The following ATG3 variants were observed in gnomAD, a reference collection of about 807,000 sequenced individuals.
ATG3 encodes the protein ubiquitin-like-conjugating enzyme ATG3.
ATG3 carries 25 observed loss-of-function variants against 50.7 expected under a neutral mutation model. The ratio of observed to expected loss-of-function variants is 0.49; its 90% CI spans 0.36 to 0.69. The LOEUF (loss-of-function observed/expected upper bound fraction) is 0.69. Among genes scored for constraint, ATG3 ranks in the 30% least tolerant of loss-of-function variants. The probability of loss-of-function intolerance (pLI) is 0.00; values close to 1 mark genes in which losing one functional copy is unlikely to be tolerated. For synonymous variants in ATG3, 119 were observed against 125.5 expected (o/e 0.95, Z 0.34); for missense variants, 281 against 376.0 (o/e 0.75, Z 2.09).
At position 112,561,639 on chromosome 3, in the gene ATG3, G is replaced by C; in HGVS notation, c.-111C>G. On this transcript the variant is annotated 5_prime_UTR_variant, in exon 1 of 12. Transcript: ENST00000283290. ...TGCCACCGACTCGCATCAGCACCCG[G>C]CTGGCAGCACCCGAGGGGACGGGAC... 8.8e-7 allele frequency: 1 copy of C among 1,139,144 alleles called. No homozygotes were observed. The highest frequency in any genetic ancestry group is 1.3e-6 in the Non-Finnish European group (1 of 799,716). 70.6% of individuals were successfully genotyped at this position (1,139,144 alleles called of 1,614,324 possible).
intron 6 of ATG3, among the ~76,000 whole-genome samples, chr3:112,542,561 A>T (rs1189727129): frequency 1.3e-5 from 2 of 152,102 alleles, no homozygotes; most frequent in Admixed American, 6.5e-5. Flanking sequence ...TTAATTTAAC[A>T]CTAGAAACTT....
intron 11 of ATG3, chr3:112,533,521 CCA>C: frequency 1.0e-6 from 1 of 985,236 alleles, no homozygotes; most frequent in South Asian, 4.7e-5. Flanking sequence ...TAGCAATGCC[CCA>C]CAGTCTGATT....
intron 11 of ATG3, 82 bp from the exon 12 acceptor site, chr3:112,532,862 A>C: frequency 1.5e-6 from 2 of 1,376,348 alleles, no homozygotes; most frequent in Admixed American, 3.0e-5. Context: ...CATTTTATTA[A>C]GCCATTAATT....
chr3:112,537,975 A>C (rs1933118793), intron 8 of ATG3, 85 bp from the exon 9 acceptor site: 1 of 1,376,392 alleles, frequency 7.3e-7, no homozygotes, highest in African/African-American at 1.5e-5. Context: ...TCCATTCTAT[A>C]TTTTGTTTTC....
intron 1 of ATG3, among the ~76,000 whole-genome samples, chr3:112,559,818 G>C (rs1265012416): frequency 6.6e-6 from 1 of 152,312 alleles, no homozygotes; most frequent in East Asian, 1.9e-4. Context: ...AGAGATGATT[G>C]TAAGAACTTC....
chr3:112,534,095 C>T (rs2082574489), intron 11 of ATG3, 174 bp downstream of exon 11: 2 of 1,362,322 alleles, frequency 1.5e-6, no homozygotes, highest in African/African-American at 1.5e-5. Flanking sequence ...CTAAGCAAGG[C>T]ATAACTATCA....
chr3:112,560,733 A>G (rs1433663785), intron 1 of ATG3, among the ~76,000 whole-genome samples: 1 of 152,254 alleles, frequency 6.6e-6, no homozygotes, highest in Non-Finnish European at 1.5e-5. Context: ...CTTTAAAAAA[A>G]AAATCAGTCA....
At chr3:112,553,873 C>T (rs946561130) in intron 2 of ATG3, among the ~76,000 whole-genome samples, 2 of 152,038 alleles carry the variant, frequency 1.3e-5, no homozygotes, top group Non-Finnish European at 2.9e-5. Flanking sequence ...TTTTGCACTT[C>T]TAAAAGAGAA....
intron 1 of ATG3, among the ~76,000 whole-genome samples, chr3:112,560,691 A>C (rs1412140580): frequency 2.0e-5 from 3 of 152,250 alleles, no homozygotes; most frequent in African/African-American, 7.2e-5. Flanking sequence ...GAGTTATAAA[A>C]GAAAAGCTTG....
In ATG3 at chr3:112,548,547, G is replaced by T. The variant is rs1361821649; in HGVS notation, c.329C>A (p.Thr110Lys). 4 of 1,610,974 alleles carry T rather than the reference G, an allele frequency of 2.5e-6. No homozygotes were observed. The highest frequency in any genetic ancestry group is 3.4e-6 in the Non-Finnish European group (4 of 1,177,394). The stretch of plus-strand genomic sequence containing the variant: ...TCTCCTCTTACCTGTGTTGTGATAT[G>T]TATCTACCCATCCGCCATCACCATC... ...EDDGDGGWVD[T>K]YHNTGITGIT... Residue 110 changes from threonine to lysine, a missense_variant, in exon 5 of 12, where the codon ACA (threonine) becomes AAA (lysine). Around this residue, in one of 3 missense-constraint regions of ATG3, gnomAD observed 242 missense variants for 305.0 expected, o/e 0.79. Transcript: ENST00000283290.
rs1046438324 is a variant in ATG3, at chr3:112,561,660, G to A, written c.-132C>T. On this transcript the variant is annotated 5_prime_UTR_variant, in exon 1 of 12. Transcript: ENST00000283290. ...CCCGGCTGGCAGCACCCGAGGGGAC[G>A]GGACGCGACGCGACGGGACGGGCGG... 2 of 889,982 alleles carry A rather than the reference G, an allele frequency of 2.2e-6. No homozygotes were observed. Among genetic ancestry groups the A allele is most frequent in the Non-Finnish European group, 3.4e-6 (2 of 590,818 alleles). The allele number at this position is 889,982 out of a possible 1,614,324, so 55.1% of individuals were successfully genotyped here. A position where few individuals can be genotyped will look rare whatever the true frequency, so the allele number is the denominator to read the frequency against.
intron 2 of ATG3, among the ~76,000 whole-genome samples, chr3:112,553,624 A>G (rs1933586041): frequency 6.6e-6 from 1 of 152,224 alleles, no homozygotes; most frequent in Non-Finnish European, 1.5e-5. Context: ...GTAATGCCAA[A>G]AGCAGTATAA....
intron 3 of ATG3, 82 bp downstream of exon 3, chr3:112,553,198 C>G (rs1576726071): frequency 8.7e-7 from 1 of 1,148,102 alleles, no homozygotes; most frequent in East Asian, 2.4e-5. Context: ...TAATTTTCAT[C>G]CATTAACCTA....
chr3:112,559,132 C>T (rs1933767830), intron 1 of ATG3, among the ~76,000 whole-genome samples: 1 of 152,154 alleles, frequency 6.6e-6, no homozygotes, highest in South Asian at 2.1e-4. Context: ...TACAGCACAG[C>T]AAAAATGTCT....
chr3:112,532,795 C>T lies in ATG3; in HGVS notation c.864-15G>A. 6.4e-7 allele frequency: 1 copy of T among 1,563,668 alleles called. No individual in the cohort carries two copies. Among genetic ancestry groups the T allele is most frequent in the Non-Finnish European group, 8.6e-7 (1 of 1,156,890 alleles). ...TAAGAAGATACCTAAAGGTTTTTAG[C>T]TAAGGAAAATAAGATTTGTAAATAG... On this transcript the variant is annotated splice_polypyrimidine_tract_variant and intron_variant, in intron 11 of 11. Transcript: ENST00000283290.
chr3:112,550,144 A>T, intron 4 of ATG3, 48 bp downstream of exon 4: 1 of 1,380,140 alleles, frequency 7.2e-7, no homozygotes, highest in Non-Finnish European at 1.0e-6. Context: ...GCTTCATTTT[A>T]ATATACCTCT....
intron 11 of ATG3, 146 bp from the exon 12 acceptor site, chr3:112,532,926 T>A: frequency 7.6e-7 from 1 of 1,315,768 alleles, no homozygotes; most frequent in Non-Finnish European, 9.7e-7. Context: ...AATTCAACTA[T>A]GCAAATTTGT....
chr3:112,561,321 A>T, intron 1 of ATG3, 136 bp downstream of exon 1: 1 of 875,266 alleles, frequency 1.1e-6, no homozygotes, highest in South Asian at 1.4e-5. Context: ...TGGGGGCTGC[A>T]CACTTCCCTG....
intron 2 of ATG3, 80 bp from the exon 3 acceptor site, chr3:112,553,409 C>T: frequency 8.1e-7 from 1 of 1,233,040 alleles, no homozygotes; most frequent in South Asian, 1.2e-5. Context: ...TGGCAAAATA[C>T]CAAACTGATG....
Sources: allele counts gnomAD v4.1 joint callset (sites outside exome capture counted in the v4.1 genomes callset), GRCh38; gene constraint gnomAD v4.1.1; regional missense constraint gnomAD v4.1.1; transcripts MANE v1.5; gene names NCBI Gene and HGNC (gene_info 2026-07-23, HGNC 2026-07-21).